Variants in PCDHGA9 observed in about 807,000 individuals in gnomAD.
The protein encoded by PCDHGA9 is protocadherin gamma subfamily A, 9, also known as protocadherin gamma-A9.
Under a neutral mutation model 62.5 loss-of-function variants are expected in PCDHGA9, and 37 were observed. The ratio of observed to expected loss-of-function variants is 0.59; its 90% confidence interval spans 0.46 to 0.78. The LOEUF (loss-of-function observed/expected upper bound fraction) is 0.78. PCDHGA9 is among the 30% of genes least tolerant of loss of function. The pLI is 0.00. For missense variants in PCDHGA9, 1,138 were observed against 1,166.2 expected, an observed-to-expected ratio of 0.98 and a Z score of 0.35; for synonymous variants, 459 against 484.6, an observed-to-expected ratio of 0.95 and a Z score of 0.69.
rs934206266 is a variant in PCDHGA9, at chr5:141,483,131, G to A, written c.2425-11676G>A. Among the ~76,000 whole-genome samples, 14 of 152,274 alleles carry A rather than the reference G, an allele frequency of 9.2e-5. No individual in the cohort carries two copies. The South Asian group carries it at 2.9e-3, about 32-fold the overall frequency. On this transcript the variant is annotated intron_variant, in intron 1 of 3. Transcript: ENST00000573521. ...AACAGACAGTCTTTGTAGGAGATGA[G>A]GTGAAGCAAGTAGGCAGGAGTTAGA...
Position 141,485,870 on chromosome 5 carries a change from C to T in PCDHGA9, c.2425-8937C>T. The stretch of plus-strand genomic sequence containing the variant: ...CACCGCAGAGCTCCGGGTATCCGTG[C>T]TGGACGTAAACGACAACGCCCCAGC... On this transcript the variant is annotated intron_variant, in intron 1 of 3. Coordinates refer to ENST00000573521, the MANE Select transcript of PCDHGA9 (RefSeq NM_018921.3). This position sits in a 1 kb window ranked among gnomAD's most constrained non-coding sequence, Gnocchi z 5.7. 6.2e-7 allele frequency: 1 copy of T among 1,614,174 alleles called. No homozygotes were observed. The highest frequency in any genetic ancestry group is 8.5e-7 in the Non-Finnish European group (1 of 1,180,032).
At position 141,404,503 on chromosome 5, in the gene PCDHGA9, G is replaced by A. The variant is rs771196227; in HGVS notation, c.1551G>A (p.Leu517=). 8 of 1,613,720 alleles carry A rather than the reference G, an allele frequency of 5.0e-6. No homozygotes were observed. In the East Asian group the frequency reaches 1.8e-4, roughly 36 times the overall value. Residue 517 remains leucine (L), a synonymous_variant, in exon 1 of 4, where the codon CTG becomes CTA. Coordinates refer to ENST00000573521, the MANE Select transcript of PCDHGA9 (RefSeq NM_018921.3). The part of the protein sequence containing the change: ...INSDTGVLYA[L]CSFDYEQFRD... Reference sequence around the variant, plus strand: ...CAGACACTGGTGTGCTGTATGCTCTGTGCTCCTTTGACTATGAGCAGTTTA... The same window carrying A: ...CAGACACTGGTGTGCTGTATGCTCTATGCTCCTTTGACTATGAGCAGTTTA...
At chr5:141,417,787 T>C in intron 1 of PCDHGA9, 1 of 1,477,124 alleles carries the variant, frequency 6.8e-7, no homozygotes, top group Non-Finnish European at 9.0e-7. Flanking sequence ...CTGGGCCGAA[T>C]GCTCTTTTAG....
chr5:141,509,199 GTCTC>G (rs1017134758), intron 3 of PCDHGA9, among the ~76,000 whole-genome samples: 4 of 152,070 alleles, frequency 2.6e-5, no homozygotes, highest in Admixed American at 2.0e-4. Context: ...AATATTTCCT[GTCTC>G]TCTATTTCTC....
chr5:141,433,291 T>A, intron 1 of PCDHGA9: 1 of 1,094,048 alleles, frequency 9.1e-7, no homozygotes, highest in Non-Finnish European at 1.3e-6. Flanking sequence ...ACTCCTAGGC[T>A]CAAGCAATTA....
chr5:141,469,505 G>T (rs2099202987), intron 1 of PCDHGA9, among the ~76,000 whole-genome samples: 1 of 152,138 alleles, frequency 6.6e-6, no homozygotes. Flanking sequence ...AACCCGGGAG[G>T]TGGAGGTTGC....
intron 3 of PCDHGA9, among the ~76,000 whole-genome samples, chr5:141,509,420 G>A (rs1384424118): frequency 6.6e-6 from 1 of 152,128 alleles, no homozygotes; most frequent in East Asian, 1.9e-4. Context: ...GAGCCCCAAT[G>A]AGTCAAACTC....
At chr5:141,495,446 C>A (rs1165861519) in intron 2 of PCDHGA9, among the ~76,000 whole-genome samples, 1 of 152,220 alleles carries the variant, frequency 6.6e-6, no homozygotes, top group African/African-American at 2.4e-5. Flanking sequence ...CCCTACTTGT[C>A]CTGCTCTCTG....
At chr5:141,479,937 C>G (rs1322238189) in intron 1 of PCDHGA9, among the ~76,000 whole-genome samples, 1 of 152,212 alleles carries the variant, frequency 6.6e-6, no homozygotes, top group African/African-American at 2.4e-5. Context: ...TCATTGCTAT[C>G]AACTCTTGGA....
At chr5:141,481,656 A>G (rs1425280340) in intron 1 of PCDHGA9, among the ~76,000 whole-genome samples, 1 of 152,084 alleles carries the variant, frequency 6.6e-6, no homozygotes, top group Non-Finnish European at 1.5e-5. Context: ...CATCTCTACT[A>G]ATAATACAAA....
At chr5:141,463,653 G>T (rs1378583183) in intron 1 of PCDHGA9, among the ~76,000 whole-genome samples, 1 of 151,764 alleles carries the variant, frequency 6.6e-6, no homozygotes. Context: ...GGGTTTCACC[G>T]TGTTAGCCAG....
At chr5:141,504,961 G>A (rs995382728) in intron 2 of PCDHGA9, among the ~76,000 whole-genome samples, 2 of 151,928 alleles carry the variant, frequency 1.3e-5, no homozygotes, top group Non-Finnish European at 2.9e-5. Flanking sequence ...TCAATGCATT[G>A]GACCAGCCTG....
At chr5:141,409,398 A>C in intron 1 of PCDHGA9, 1 of 1,614,050 alleles carries the variant, frequency 6.2e-7, no homozygotes, top group Non-Finnish European at 8.5e-7. Flanking sequence ...TCTTCTTCCA[A>C]TAACTACTAC....
chr5:141,488,054 A>G (rs1255295788), intron 1 of PCDHGA9, among the ~76,000 whole-genome samples: 1 of 152,206 alleles, frequency 6.6e-6, no homozygotes, highest in Admixed American at 6.5e-5. Flanking sequence ...TTGAGGGGAA[A>G]TAAAATCTTT....
intron 1 of PCDHGA9, among the ~76,000 whole-genome samples, chr5:141,449,264 C>T (rs2098633342): frequency 6.6e-6 from 1 of 152,056 alleles, no homozygotes; most frequent in African/African-American, 2.4e-5. Flanking sequence ...GTACAAAGAA[C>T]TGTATCTCCT....
At chr5:141,503,607 A>G (rs141670522) in intron 2 of PCDHGA9, among the ~76,000 whole-genome samples, 63 of 151,996 alleles carry the variant, frequency 4.1e-4, no homozygotes, top group African/African-American at 1.4e-3. Flanking sequence ...TCAAAAAAAA[A>G]AAAAAAAGAA....
intron 2 of PCDHGA9, among the ~76,000 whole-genome samples, chr5:141,502,828 G>T (rs928458403): frequency 6.6e-6 from 1 of 150,704 alleles, no homozygotes; most frequent in Non-Finnish European, 1.5e-5. Context: ...CCTTGGGGAA[G>T]CCTGGACTGG....
intron 1 of PCDHGA9, among the ~76,000 whole-genome samples, chr5:141,452,299 A>G (rs2098738116): frequency 6.6e-6 from 1 of 152,176 alleles, no homozygotes; most frequent in African/African-American, 2.4e-5. Flanking sequence ...ATAAGAAAAT[A>G]TTAGAGACTC....
In PCDHGA9 at chr5:141,431,675, G is replaced by A. The variant is rs778040824; in HGVS notation, c.2424+26299G>A. Reference sequence around the variant, plus strand: ...TTCAGGGACAATATCAACAATAGGGGAGTTGGACCACGAGGAGTCAGGATT... The same window carrying A: ...TTCAGGGACAATATCAACAATAGGGAAGTTGGACCACGAGGAGTCAGGATT... On this transcript the variant is annotated intron_variant, in intron 1 of 3. Coordinates refer to ENST00000573521, the MANE Select transcript of PCDHGA9 (RefSeq NM_018921.3). The surrounding 1 kb of genome is among the most constrained non-coding windows in gnomAD (Gnocchi z 4.8). 5.6e-6 allele frequency: 9 copies of A among 1,614,230 alleles called. No homozygotes were observed. Among genetic ancestry groups the A allele is most frequent in the Admixed American group, 1.7e-5 (1 of 60,028 alleles).
Sources: gnomAD v4.1 joint callset for allele counts (sites outside exome capture counted in the v4.1 genomes callset) on GRCh38, gnomAD v4.1.1 for gene constraint, Gnocchi (gnomAD v3.1) non-coding constraint, MANE v1.5 for transcripts, NCBI Gene and HGNC (gene_info 2026-07-23, HGNC 2026-07-21) for gene names.